Variants in F8 observed in about 807,000 individuals in gnomAD.
F8 encodes coagulation factor VIII, also known as antihemophilic factor.
Under a neutral mutation model 140.6 loss-of-function variants are expected in F8, and 12 were observed. That is an observed-to-expected ratio of 0.09 (90% CI 0.05 to 0.14). The LOEUF (loss-of-function observed/expected upper bound fraction) is 0.14. Ranked by LOEUF, F8 falls within the 10% of genes least tolerant of loss-of-function variation. The pLI is 1.00. For missense variants in F8, 1,354 were observed against 1,720.7 expected (o/e 0.79, Z 3.77); for synonymous variants, 585 against 614.6 (o/e 0.95, Z 0.71).
At chrX:154,932,903 C>A (rs1400468529) in intron 13 of F8, among the ~76,000 whole-genome samples, 1 of 110,391 alleles carries the variant, frequency 9.1e-6, no homozygotes, top group African/African-American at 3.3e-5. Flanking sequence ...TATGATGGAA[C>A]TCTTGAAAAA....
chrX:154,859,305 T>C (rs5987051), intron 25 of F8, among the ~76,000 whole-genome samples: 1,289 of 98,001 alleles, frequency 0.013, 24 homozygotes, highest in African/African-American at 0.045. Flanking sequence ...GCGTATTTTC[T>C]TTTTTTTTTT....
intron 9 of F8, among the ~76,000 whole-genome samples, chrX:154,964,940 T>C (rs1333252584): frequency 3.6e-5 from 4 of 111,662 alleles, no homozygotes; most frequent in Non-Finnish European, 7.5e-5. Flanking sequence ...GAAAGATAAA[T>C]AACAATGTGT....
intron 4 of F8, among the ~76,000 whole-genome samples, chrX:154,991,191 A>G (rs1471846787): frequency 2.7e-5 from 3 of 111,163 alleles, no homozygotes; most frequent in Admixed American, 9.5e-5. Flanking sequence ...GAGGACAAAA[A>G]CCCTAGGGGA....
At chrX:155,004,214 A>C in intron 1 of F8, among the ~76,000 whole-genome samples, 1 of 111,446 alleles carries the variant, frequency 9.0e-6, no homozygotes, top group Non-Finnish European at 1.9e-5. Flanking sequence ...AAAACAGTCA[A>C]CCTAAAATTC....
Position 154,930,856 on chromosome X carries a change from T to G in F8, c.2934A>C (p.Ser978=). The G allele has an allele frequency of 4.1e-6, 5 of 1,207,266 alleles. No individual in the cohort carries two copies. Among genetic ancestry groups the G allele is most frequent in the Non-Finnish European group, 5.6e-6 (5 of 893,380 alleles). Residue 978 remains serine, a synonymous_variant, in exon 14 of 26, where the codon TCA becomes TCC. Transcript: ENST00000360256. ...ESGLMNSQES[S]WGKNVSSTES... ...CTGTTGACGATACATTTTTTCCCCATGAACTTTCTTGGCTATTCATTAAAC... is the reference window on the plus strand; with the variant it reads ...CTGTTGACGATACATTTTTTCCCCAGGAACTTTCTTGGCTATTCATTAAAC...
In F8 at chrX:154,931,305, C is replaced by T; in HGVS notation, c.2485G>A (p.Glu829Lys). The change falls in exon 14 of 26, where the codon GAA (glutamate) becomes AAA (lysine). Residue 829 changes from glutamate (E) to lysine (K), a missense_variant. Physicochemically the swap from Glu to Lys is moderately conservative, Grantham distance 56. This residue lies in a region of F8 where 658 missense variants were observed against 666.5 expected (regional missense o/e 0.99). Transcript: ENST00000360256. ...TCAGAAAAAGTCTCATATTTGGCTT[C>T]TTGGAGATCAGATAAGGATAGCCCA... ...PHGLSLSDLQ[E>K]AKYETFSDDP... 1.7e-6 allele frequency: 2 copies of T among 1,210,979 alleles called. No homozygotes were observed. Among genetic ancestry groups the T allele is most frequent in the Non-Finnish European group, 2.2e-6 (2 of 894,935 alleles).
chrX:154,877,527 C>T (rs1421389574), intron 22 of F8, among the ~76,000 whole-genome samples: 4 of 111,269 alleles, frequency 3.6e-5, no homozygotes, highest in African/African-American at 9.8e-5. Flanking sequence ...GAGTCTCACT[C>T]TGTCGCCCAG....
chrX:154,981,051 G>A (rs1227804191), intron 6 of F8, among the ~76,000 whole-genome samples: 1 of 112,132 alleles, frequency 8.9e-6, no homozygotes, highest in African/African-American at 3.2e-5. Flanking sequence ...GTCTCATGCT[G>A]GCTCTGCTAC....
At chrX:154,909,364 T>A (rs1031724851) in intron 14 of F8, 1 of 120,652 alleles carries the variant, frequency 8.3e-6, no homozygotes, top group Non-Finnish European at 1.7e-5. Context: ...TGTGCTACAC[T>A]GGTATTGCCA....
At chrX:154,850,279 C>T (rs1031000177) in intron 25 of F8, among the ~76,000 whole-genome samples, 1 of 109,375 alleles carries the variant, frequency 9.1e-6, no homozygotes, top group Non-Finnish European at 1.9e-5. Flanking sequence ...CAAGCGCATG[C>T]CAGCATGTCC....
intron 13 of F8, among the ~76,000 whole-genome samples, chrX:154,943,915 G>A (rs782600538): frequency 8.9e-6 from 1 of 111,817 alleles, no homozygotes; most frequent in South Asian, 3.8e-4. Flanking sequence ...ATAAGCAGTG[G>A]GGAAAGGATT....
chrX:154,847,394 C>T (rs1784933998), intron 25 of F8, among the ~76,000 whole-genome samples: 1 of 112,032 alleles, frequency 8.9e-6, no homozygotes, highest in Non-Finnish European at 1.9e-5. Context: ...AACTTGGTTC[C>T]ATTCTCCCTG....
chrX:154,891,107 T>C (rs782798098), intron 22 of F8, among the ~76,000 whole-genome samples: 1 of 113,042 alleles, frequency 8.8e-6, no homozygotes, highest in East Asian at 2.8e-4. Flanking sequence ...TGAGAGCCAA[T>C]TGTAAGTAAG....
chrX:154,968,111 C>T (rs1454424275), intron 7 of F8, among the ~76,000 whole-genome samples: 1 of 111,532 alleles, frequency 9.0e-6, no homozygotes, highest in Non-Finnish European at 1.9e-5. Flanking sequence ...CTGTCCCCTC[C>T]GAAACTCATA....
rs1557272484 is a variant in F8, at chrX:154,856,737, C to A, written c.6900+3695G>T. Reference sequence around the variant, plus strand: ...TGGTACACTGCCAAGAATACTGCCACTCTTTCTCTCAGCCTTCCCCAAAGG... The same window carrying A: ...TGGTACACTGCCAAGAATACTGCCAATCTTTCTCTCAGCCTTCCCCAAAGG... On this transcript the variant is annotated intron_variant, in intron 25 of 25. Transcript: ENST00000360256. Among the ~76,000 whole-genome samples, 2 of 112,144 alleles carry A rather than the reference C, an allele frequency of 1.8e-5. 1 individual carries two copies. The highest frequency in any genetic ancestry group is 1.9e-4 in the Admixed American group (2 of 10,629).
rs989091832 is a variant in F8 at position 154,965,823 on chromosome X, T to C, written c.1443+147A>G. 3.3e-5 allele frequency: 18 copies of C among 550,478 alleles called. No homozygotes were observed. The East Asian group carries it at 4.3e-4, about 13-fold the overall frequency. The allele number at this position is 550,478 out of a possible 1,213,427, so 45.4% of individuals were successfully genotyped here. A position where few individuals can be genotyped will look rare whatever the true frequency, so the allele number is the denominator to read the frequency against. On this transcript the variant is annotated intron_variant, in intron 9 of 25. Coordinates refer to ENST00000360256, the MANE Select transcript of F8 (RefSeq NM_000132.4). ...TCTATATACTCAAACTTTAAATACATACAATCAGCTATTATTTGTGTAACA... is the reference window on the plus strand; with the variant it reads ...TCTATATACTCAAACTTTAAATACACACAATCAGCTATTATTTGTGTAACA...
intron 25 of F8, among the ~76,000 whole-genome samples, chrX:154,852,868 C>T (rs892393201): frequency 1.6e-4 from 18 of 111,099 alleles, no homozygotes; most frequent in Non-Finnish European, 2.1e-4. Flanking sequence ...AGTGAGACTC[C>T]GTCTCAAATC....
At chrX:154,903,777 A>G in intron 18 of F8, 129 bp downstream of exon 18, 1 of 544,583 alleles carries the variant, frequency 1.8e-6, no homozygotes, top group Non-Finnish European at 3.1e-6. Context: ...AAGCATTTGA[A>G]AAAGTATTAC....
At chrX:154,979,109 A>T (rs2073503164) in intron 6 of F8, among the ~76,000 whole-genome samples, 1 of 111,713 alleles carries the variant, frequency 9.0e-6, no homozygotes, top group Admixed American at 9.4e-5. Context: ...GATGGATCAC[A>T]TGGGTGGGTG....
Sources: allele counts gnomAD v4.1 joint callset (sites outside exome capture counted in the v4.1 genomes callset), GRCh38; gene constraint gnomAD v4.1.1; regional missense constraint gnomAD v4.1.1; transcripts MANE v1.5; gene names NCBI Gene and HGNC (gene_info 2026-07-23, HGNC 2026-07-21).